The following TNRC6B variants were observed in gnomAD, a reference collection of about 807,000 sequenced individuals.
The protein encoded by TNRC6B is trinucleotide repeat containing adaptor 6B, also known as trinucleotide repeat-containing gene 6B protein.
A neutral mutation model predicts 203.6 loss-of-function variants in TNRC6B; 52 were observed. That is an observed-to-expected ratio of 0.26 (90% CI 0.20 to 0.32). TNRC6B has a LOEUF of 0.32. Ranked by LOEUF, TNRC6B falls within the 10% of genes least tolerant of loss-of-function variation. The pLI is 1.00. For synonymous variants in TNRC6B, 838 were observed against 845.7 expected (o/e 0.99, Z 0.16); for missense variants, 1,923 against 2,286.2 (o/e 0.84, Z 3.24).
At chr22:40,174,078 C>T (rs139381837), upstream of TNRC6B, among the ~76,000 whole-genome samples, 1,001 of 150,890 alleles carry the variant, frequency 6.6e-3, 7 homozygotes, top group Non-Finnish European at 9.7e-3. Context: ...TGATTACAGG[C>T]GTGAGCCACC....
chr22:40,301,584 T>C, intron 15 of TNRC6B: 1 of 380,558 alleles, frequency 2.6e-6, no homozygotes, highest in Non-Finnish European at 4.7e-6. Context: ...CTTCCTTTTT[T>C]TTGTGTGTGT....
At chr22:40,322,055 C>T (rs1269733735) in intron 22 of TNRC6B, among the ~76,000 whole-genome samples, 1 of 152,138 alleles carries the variant, frequency 6.6e-6, no homozygotes, top group African/African-American at 2.4e-5. Context: ...TGAGGGGGCT[C>T]AGGCAGCGAG....
Position 40,262,378 on chromosome 22 carries a change from A to G in TNRC6B, c.457+205A>G, listed in dbSNP as rs117723495. ...TGTTCCGTAAGTGTGTGCTCTTGGC[A>G]TAAGGGCTAACTTAACTGCTGTTGC... On this transcript the variant is annotated intron_variant, in intron 4 of 22. Transcript: ENST00000454349. Among the ~76,000 whole-genome samples the G allele has an allele frequency of 3.6e-3, 555 of 152,332 alleles. 4 individuals are homozygous for G. Among genetic ancestry groups the G allele is most frequent in the Middle Eastern group, 6.8e-3 (2 of 294 alleles).
At chr22:40,068,280 T>TA (rs1197180938) in intron 1 of TNRC6B, among the ~76,000 whole-genome samples, 1 of 152,176 alleles carries the variant, frequency 6.6e-6, no homozygotes, top group East Asian at 1.9e-4. Flanking sequence ...TTATAGTAGA[T>TA]AGAGTGGATA....
intron 4 of TNRC6B, among the ~76,000 whole-genome samples, chr22:40,158,563 C>A (rs752189357): frequency 1.3e-5 from 2 of 152,146 alleles, no homozygotes; most frequent in Non-Finnish European, 2.9e-5. Context: ...GGAAATGTTG[C>A]TGGGCAGATT....
chr22:40,176,096 C>T (rs1177474469), upstream of TNRC6B, among the ~76,000 whole-genome samples: 1 of 149,748 alleles, frequency 6.7e-6, no homozygotes, highest in Non-Finnish European at 1.5e-5. Context: ...TAGGTGGAGT[C>T]GATAGTCACA....
intron 1 of TNRC6B, among the ~76,000 whole-genome samples, chr22:40,079,581 A>AT (rs1363083834): frequency 3.7e-4 from 56 of 151,518 alleles, no homozygotes; most frequent in African/African-American, 1.3e-3. Context: ...GTATATATAT[A>AT]TATTTTTTAT....
At chr22:40,235,756 G>A (rs894019851) in intron 1 of TNRC6B, among the ~76,000 whole-genome samples, 2 of 152,146 alleles carry the variant, frequency 1.3e-5, no homozygotes, top group African/African-American at 2.4e-5. Context: ...ATACTTGATC[G>A]ATTAAACTAA....
intron 2 of TNRC6B, among the ~76,000 whole-genome samples, chr22:40,124,208 T>C (rs2068468118): frequency 6.6e-6 from 1 of 152,200 alleles, no homozygotes; most frequent in African/African-American, 2.4e-5. Flanking sequence ...CTTCTTAGCC[T>C]TGAGTCTTGG....
intron 1 of TNRC6B, among the ~76,000 whole-genome samples, chr22:40,059,823 T>TTTG (rs1555973379): frequency 3.3e-5 from 5 of 150,232 alleles, no homozygotes; most frequent in African/African-American, 1.2e-4. Context: ...TGGTTTTTTT[T>TTTG]TTTTTTTTTT....
intron 1 of TNRC6B, among the ~76,000 whole-genome samples, chr22:40,244,170 G>C (rs2070071701): frequency 6.6e-6 from 1 of 152,186 alleles, no homozygotes; most frequent in Non-Finnish European, 1.5e-5. Context: ...GCCTGCCTGA[G>C]ATGATCAACA....
In TNRC6B at chr22:40,266,446, A is replaced by G; in HGVS notation, c.2216A>G (p.Asn739Ser). 3.1e-6 allele frequency: 5 copies of G among 1,613,868 alleles called. No homozygotes were observed. The highest frequency in any genetic ancestry group is 3.3e-4 in the Middle Eastern group (2 of 6,062). The stretch of plus-strand genomic sequence containing the variant: ...GGGTGGGGAGGTGGACGCCAGCCCA[A>G]TCAAGGATGGTCTTCTGGAAAGAAT... ...DQGWGGGRQPNQGWSSGKNGW... is the reference protein window; with the variant it reads ...DQGWGGGRQPSQGWSSGKNGW... The change falls in exon 5 of 23, where the codon AAT becomes AGT. Residue 739 changes from asparagine to serine, a missense_variant. Coordinates refer to ENST00000454349, the MANE Select transcript of TNRC6B (RefSeq NM_001162501.2).
chr22:40,136,433 C>G (rs1417931082), intron 3 of TNRC6B, among the ~76,000 whole-genome samples: 3 of 142,912 alleles, frequency 2.1e-5, no homozygotes, highest in Non-Finnish European at 1.5e-5. Context: ...GAGTGTTGCT[C>G]TGTCGCGTAG....
At chr22:40,300,033 A>G (rs1359032844) in intron 12 of TNRC6B, among the ~76,000 whole-genome samples, 1 of 152,174 alleles carries the variant, frequency 6.6e-6, no homozygotes, top group African/African-American at 2.4e-5. Flanking sequence ...TTTACAAGTT[A>G]ATATATTTGT....
At chr22:40,312,201 C>T in intron 17 of TNRC6B, among the ~76,000 whole-genome samples, 1 of 152,218 alleles carries the variant, frequency 6.6e-6, no homozygotes, top group East Asian at 1.9e-4. Flanking sequence ...AGAGTCCTTA[C>T]TCCTGCTTTC....
rs1449423298 is a variant in TNRC6B at position 40,301,205 on chromosome 22, C to A, written c.3992C>A (p.Pro1331Gln). 2 of 1,554,554 alleles carry A rather than the reference C, an allele frequency of 1.3e-6. No individual in the cohort carries two copies. Among genetic ancestry groups the A allele is most frequent in the Admixed American group, 3.9e-5 (2 of 51,198 alleles). The change falls in exon 15 of 23, where the codon CCA becomes CAA. Residue 1331 changes from proline (P) to glutamine (Q), a missense_variant. Physicochemically the swap from Pro to Gln is moderately conservative, Grantham distance 76. Coordinates refer to ENST00000454349, the MANE Select transcript of TNRC6B (RefSeq NM_001162501.2). ...CAGCAGCAGCAGCAGCAGAGGCAGC[C>A]AGGCATGAAGCACTCGCCCTCTCAT... Reference protein sequence around the residue: ...QQQQQQQQRQPGMKHSPSHPV... With the variant: ...QQQQQQQQRQQGMKHSPSHPV...
chr22:40,045,241 G>A (rs927641756), intron 1 of TNRC6B, among the ~76,000 whole-genome samples: 13 of 145,696 alleles, frequency 8.9e-5, no homozygotes, highest in Non-Finnish European at 1.8e-4. Context: ...CGCGCGCTCC[G>A]CGGGAGCGGG....
At chr22:40,140,375 T>G (rs2068635047) in intron 3 of TNRC6B, among the ~76,000 whole-genome samples, 1 of 152,250 alleles carries the variant, frequency 6.6e-6, no homozygotes, top group Non-Finnish European at 1.5e-5. Context: ...TTCCACAAAG[T>G]CTTCCTAAGT....
Position 40,325,680 on chromosome 22 carries a change from C to A in TNRC6B, c.*2439C>A, listed in dbSNP as rs1031713433. 1 of 152,704 alleles carries A rather than the reference C, an allele frequency of 6.5e-6. No individual in the cohort carries two copies. Among genetic ancestry groups the A allele is most frequent in the Non-Finnish European group, 1.5e-5 (1 of 68,086 alleles). The allele number at this position is 152,704 out of a possible 1,614,324, so 9.5% of individuals were successfully genotyped here. ...GGAGCAAAGTGCTGTCGTGCGGTGA[C>A]CACCAGGTGAAGAGCAGCTTGTATT... On this transcript the variant is annotated 3_prime_UTR_variant, in exon 23 of 23. Transcript: ENST00000454349.
Sources: allele counts gnomAD v4.1 joint callset (sites outside exome capture counted in the v4.1 genomes callset), GRCh38; gene constraint gnomAD v4.1.1; transcripts MANE v1.5; gene names NCBI Gene and HGNC (gene_info 2026-07-23, HGNC 2026-07-21).